Variants in OSBP2 observed in about 807,000 individuals in gnomAD.
OSBP2 encodes oxysterol-binding protein 2.
In OSBP2, 66 loss-of-function variants were observed where a neutral mutation model predicts 96.0. That is an observed-to-expected ratio of 0.69 (90% CI 0.56 to 0.84). The LOEUF (loss-of-function observed/expected upper bound fraction) is 0.84. Ranked by LOEUF, OSBP2 falls within the 40% of genes least tolerant of loss-of-function variation. The pLI is 0.00. For missense variants in OSBP2, 1,038 were observed against 1,222.7 expected (o/e 0.85, Z 2.25); for synonymous variants, 525 against 520.9 (o/e 1.01, Z -0.11).
At chr22:30,716,361 T>C (rs2089455090) in intron 1 of OSBP2, among the ~76,000 whole-genome samples, 1 of 152,074 alleles carries the variant, frequency 6.6e-6, no homozygotes, top group South Asian at 2.1e-4. Flanking sequence ...TTCATATGCT[T>C]GTTGATCGTT....
chr22:30,794,466 T>C (rs2090727138), intron 2 of OSBP2, among the ~76,000 whole-genome samples: 1 of 152,024 alleles, frequency 6.6e-6, no homozygotes, highest in Non-Finnish European at 1.5e-5. Flanking sequence ...GGTTTCACCA[T>C]GTTGGTCAGG....
At chr22:30,809,594 G>A (rs1196323428) in intron 2 of OSBP2, among the ~76,000 whole-genome samples, 1 of 152,214 alleles carries the variant, frequency 6.6e-6, no homozygotes, top group East Asian at 1.9e-4. Flanking sequence ...GGGGAGTGCT[G>A]AGCCCTACAA....
intron 2 of OSBP2, among the ~76,000 whole-genome samples, chr22:30,756,196 G>A (rs556977529): frequency 1.3e-5 from 2 of 152,152 alleles, no homozygotes; most frequent in East Asian, 1.9e-4. Context: ...ACTTGGCCTC[G>A]CCCTGTGGTT....
At chr22:30,709,885 C>CTTT (rs1005643833) in intron 1 of OSBP2, among the ~76,000 whole-genome samples, 7 of 141,858 alleles carry the variant, frequency 4.9e-5, no homozygotes, top group Non-Finnish European at 9.3e-5. Flanking sequence ...GGCAGGGATA[C>CTTT]TTTTTTTTTT....
At position 30,870,322 on chromosome 22, in the gene OSBP2, G is replaced by GT; in HGVS notation, c.854-101dup. Reference sequence around the variant, plus strand: ...AACGGGCACCATCTCGGGGACTGATGTTTTTTGAATGGCGCTATCCACCCT... The same window carrying GT: ...AACGGGCACCATCTCGGGGACTGATGTTTTTTTGAATGGCGCTATCCACCCT... On this transcript the variant is annotated intron_variant, in intron 2 of 13. Coordinates refer to ENST00000332585, the MANE Select transcript of OSBP2 (RefSeq NM_030758.4). The surrounding 1 kb of genome is among the most constrained non-coding windows in gnomAD (Gnocchi z 4.1). 2 of 1,201,816 alleles carry GT rather than the reference G, an allele frequency of 1.7e-6. No homozygotes were observed. Among genetic ancestry groups the GT allele is most frequent in the Non-Finnish European group, 2.4e-6 (2 of 848,614 alleles). The allele number at this position is 1,201,816 out of a possible 1,614,324, so 74.4% of individuals were successfully genotyped here. A position where few individuals can be genotyped will look rare whatever the true frequency, so the allele number is the denominator to read the frequency against.
rs745754282 is a variant in OSBP2 at position 30,905,830 on chromosome 22, G to A, written c.2376-7G>A. 5.0e-6 allele frequency: 8 copies of A among 1,610,290 alleles called. No homozygotes were observed. The highest frequency in any genetic ancestry group is 2.2e-5 in the East Asian group (1 of 44,822). On this transcript the variant is annotated splice_polypyrimidine_tract_variant and splice_region_variant and intron_variant, in intron 12 of 13. Coordinates refer to ENST00000332585, the MANE Select transcript of OSBP2 (RefSeq NM_030758.4). ...AGCCACCGCCACCGCCACCACCACC[G>A]CCACAGGGAGAACGCGGAGAACATG...
At chr22:30,778,331 A>ACACACACACC (rs957647622) in intron 2 of OSBP2, among the ~76,000 whole-genome samples, 89 of 151,260 alleles carry the variant, frequency 5.9e-4, no homozygotes, top group African/African-American at 1.9e-3. Context: ...ACACACACAC[A>ACACACACACC]CACCCACTGA....
In OSBP2 at chr22:30,890,657, C is replaced by T. The variant is rs985241773; in HGVS notation, c.1624-71C>T. The stretch of plus-strand genomic sequence containing the variant: ...CTGAGCAGGGATGTCCCTGAACATC[C>T]GAGAAAAGCAAGGGCACCATGCCAA... On this transcript the variant is annotated intron_variant, in intron 7 of 13. Coordinates refer to ENST00000332585, the MANE Select transcript of OSBP2 (RefSeq NM_030758.4). The surrounding 1 kb of genome is among the most constrained non-coding windows in gnomAD (Gnocchi z 4.4). The T allele has an allele frequency of 1.0e-5, 16 of 1,566,114 alleles. No homozygotes were observed. Among genetic ancestry groups the T allele is most frequent in the South Asian group, 7.9e-5 (7 of 88,704 alleles).
chr22:30,862,312 C>T (rs1602375310), intron 2 of OSBP2, among the ~76,000 whole-genome samples: 1 of 152,338 alleles, frequency 6.6e-6, no homozygotes, highest in East Asian at 1.9e-4. Flanking sequence ...GTCCCACAGC[C>T]CCTGGCCTAG....
intron 2 of OSBP2, among the ~76,000 whole-genome samples, chr22:30,836,240 G>A (rs193116609): frequency 2.6e-5 from 4 of 152,228 alleles, no homozygotes; most frequent in Middle Eastern, 3.4e-3. Context: ...TTGATATCTT[G>A]TAGTTCAAGT....
At position 30,768,281 on chromosome 22, in the gene OSBP2, C is replaced by T. The variant is rs1329075412; in HGVS notation, c.853+26912C>T. ...CCAGGAGCCAGCCCAGAAGTGGCCACCTTATTTCAGTAGAGAAGTAGGCGT... is the reference window on the plus strand; with the variant it reads ...CCAGGAGCCAGCCCAGAAGTGGCCATCTTATTTCAGTAGAGAAGTAGGCGT... On this transcript the variant is annotated intron_variant, in intron 2 of 13. Coordinates refer to ENST00000332585, the MANE Select transcript of OSBP2 (RefSeq NM_030758.4). Among the ~76,000 whole-genome samples the T allele has an allele frequency of 2.6e-5, 4 of 152,260 alleles. No homozygotes were observed. In the East Asian group the frequency reaches 7.7e-4, roughly 29 times the overall value.
intron 2 of OSBP2, among the ~76,000 whole-genome samples, chr22:30,805,683 G>T (rs906049964): frequency 1.3e-5 from 2 of 152,192 alleles, no homozygotes; most frequent in African/African-American, 4.8e-5. Context: ...TGTTCAAACT[G>T]TGAAGGCCAT....
chr22:30,718,503 T>A (rs2089497378), intron 1 of OSBP2, among the ~76,000 whole-genome samples: 1 of 152,234 alleles, frequency 6.6e-6, no homozygotes, highest in African/African-American at 2.4e-5. Context: ...TGCTTGGCAC[T>A]GGGCTTGGCA....
At chr22:30,792,117 G>C (rs889200113) in intron 2 of OSBP2, among the ~76,000 whole-genome samples, 1 of 152,088 alleles carries the variant, frequency 6.6e-6, no homozygotes, top group Non-Finnish European at 1.5e-5. Context: ...TTCAAGATCA[G>C]CCTAGCCAAC....
intron 2 of OSBP2, among the ~76,000 whole-genome samples, chr22:30,792,454 C>T (rs2090689083): frequency 6.6e-6 from 1 of 152,132 alleles, no homozygotes. Context: ...GTAAATGCTT[C>T]CTGCAGACAT....
At chr22:30,846,728 C>T (rs2038878343) in intron 2 of OSBP2, among the ~76,000 whole-genome samples, 1 of 152,022 alleles carries the variant, frequency 6.6e-6, no homozygotes. Context: ...ATTCAAATAC[C>T]ATTTTTAAGT....
intron 2 of OSBP2, among the ~76,000 whole-genome samples, chr22:30,865,513 T>C (rs543914580): frequency 6.6e-6 from 1 of 150,788 alleles, no homozygotes; most frequent in African/African-American, 2.4e-5. Flanking sequence ...ATGCCTGTAA[T>C]CCCAGCTACT....
chr22:30,698,964 CA>C (rs2089109193), intron 1 of OSBP2, among the ~76,000 whole-genome samples: 1 of 151,584 alleles, frequency 6.6e-6, no homozygotes, highest in Non-Finnish European at 1.5e-5. Flanking sequence ...TTTTTTGAGA[CA>C]GAGTCTTATT....
intron 12 of OSBP2, among the ~76,000 whole-genome samples, chr22:30,904,972 C>T (rs2040296438): frequency 6.6e-6 from 1 of 151,938 alleles, no homozygotes; most frequent in African/African-American, 2.4e-5. Context: ...CCCATCTCTA[C>T]TAAAAATACA....
Sources: gnomAD v4.1 joint callset for allele counts (sites outside exome capture counted in the v4.1 genomes callset) on GRCh38, gnomAD v4.1.1 for gene constraint, Gnocchi (gnomAD v3.1) non-coding constraint, MANE v1.5 for transcripts, NCBI Gene and HGNC (gene_info 2026-07-23, HGNC 2026-07-21) for gene names.